Variants in TAFA5 observed in about 807,000 individuals in gnomAD.
TAFA5 encodes chemokine-like protein TAFA-5.
A neutral mutation model predicts 15.3 loss-of-function variants in TAFA5; 6 were observed. The observed-to-expected ratio is 0.39, with a 90% CI of 0.21 to 0.77. The LOEUF (loss-of-function observed/expected upper bound fraction) is 0.77, where lower values mean the gene tolerates loss of function less well. Ranked by LOEUF, TAFA5 falls within the 30% of genes least tolerant of loss-of-function variation. The probability of loss-of-function intolerance (pLI) is 0.41; values close to 1 mark genes in which losing one functional copy is unlikely to be tolerated. For synonymous variants in TAFA5, 103 were observed against 80.7 expected (o/e 1.28, Z -1.48); for missense variants, 161 against 193.1 (o/e 0.83, Z 0.98).
chr22:48,619,617 G>A (rs970453204), intron 1 of TAFA5, among the ~76,000 whole-genome samples: 1 of 152,254 alleles, frequency 6.6e-6, no homozygotes, highest in African/African-American at 2.4e-5. Context: ...GACTCCCAAA[G>A]TGCTGAGATT....
chr22:48,690,298 C>T (rs1928497796), intron 2 of TAFA5, among the ~76,000 whole-genome samples: 1 of 152,138 alleles, frequency 6.6e-6, no homozygotes. Flanking sequence ...CACAGAGAAC[C>T]ACCTTGAGTG....
chr22:48,548,960 GC>G (rs1922770978), intron 1 of TAFA5, among the ~76,000 whole-genome samples: 1 of 152,200 alleles, frequency 6.6e-6, no homozygotes, highest in Admixed American at 6.5e-5. Flanking sequence ...TCACACCCAT[GC>G]TGGAAGAGCC....
rs148494928 is a variant in TAFA5 at position 48,607,189 on chromosome 22, G to A, written c.113-39408G>A. Among the ~76,000 whole-genome samples, 1,189 of 151,848 alleles carry A rather than the reference G, an allele frequency of 7.8e-3. 24 individuals are homozygous for A. The highest frequency in any genetic ancestry group is 0.028 in the African/African-American group (1,142 of 41,298). ...AGTTCTATCCTGGGTTCTGATTAGGGCTGGCCCACCCATCCCAGGTACCTC... is the reference window on the plus strand; with the variant it reads ...AGTTCTATCCTGGGTTCTGATTAGGACTGGCCCACCCATCCCAGGTACCTC... On this transcript the variant is annotated intron_variant, in intron 1 of 3. Transcript: ENST00000402357.
At chr22:48,634,109 T>C (rs1007843161) in intron 1 of TAFA5, among the ~76,000 whole-genome samples, 1 of 104,294 alleles carries the variant, frequency 9.6e-6, no homozygotes, top group Non-Finnish European at 1.9e-5. Context: ...TTCCTTGACG[T>C]TCACTCACTC....
intron 1 of TAFA5, among the ~76,000 whole-genome samples, chr22:48,626,076 T>G (rs1235988381): frequency 6.6e-6 from 1 of 152,172 alleles, no homozygotes; most frequent in African/African-American, 2.4e-5. Context: ...TGACCACCTT[T>G]TGTTTATCCA....
At chr22:48,549,215 A>G (rs1017617908) in intron 1 of TAFA5, among the ~76,000 whole-genome samples, 1 of 152,262 alleles carries the variant, frequency 6.6e-6, no homozygotes, top group African/African-American at 2.4e-5. Context: ...TCACCAAAAA[A>G]TTAATTGCCA....
chr22:48,549,378 G>A (rs1186557350), intron 1 of TAFA5, among the ~76,000 whole-genome samples: 6 of 152,250 alleles, frequency 3.9e-5, no homozygotes, highest in Non-Finnish European at 7.3e-5. Flanking sequence ...CCAGGCAGCT[G>A]GTGGTCAGCA....
At chr22:48,671,359 G>T (rs1927799166) in intron 2 of TAFA5, among the ~76,000 whole-genome samples, 2 of 152,204 alleles carry the variant, frequency 1.3e-5, no homozygotes, top group Admixed American at 1.3e-4. Flanking sequence ...TCTGCTCAGG[G>T]CATTTCTGAC....
chr22:48,648,359 GC>G (rs1926938633), intron 2 of TAFA5, among the ~76,000 whole-genome samples: 1 of 152,100 alleles, frequency 6.6e-6, no homozygotes, highest in African/African-American at 2.4e-5. Context: ...GGATCCCACC[GC>G]CTCTGCCCAG....
At chr22:48,497,494 G>A (rs964613438) in intron 1 of TAFA5, among the ~76,000 whole-genome samples, 6 of 146,908 alleles carry the variant, frequency 4.1e-5, no homozygotes, top group Admixed American at 1.4e-4. Flanking sequence ...TTTAGGCCTG[G>A]GGGCGGGGCT....
chr22:48,666,979 A>G (rs759198627), intron 2 of TAFA5, among the ~76,000 whole-genome samples: 2 of 152,130 alleles, frequency 1.3e-5, no homozygotes, highest in Non-Finnish European at 2.9e-5. Context: ...CCAGCTGCAT[A>G]GGTGATTTCC....
At chr22:48,729,818 G>T (rs6010497) in intron 3 of TAFA5, among the ~76,000 whole-genome samples, 46,372 of 149,496 alleles carry the variant, frequency 0.31, 8,214 homozygotes, top group Non-Finnish European at 0.41. Flanking sequence ...ATTTTAGAAA[G>T]TGTCCCAAAA....
chr22:48,694,768 C>T (rs1928651124), intron 2 of TAFA5, among the ~76,000 whole-genome samples: 1 of 150,218 alleles, frequency 6.7e-6, no homozygotes, highest in Non-Finnish European at 1.5e-5. Context: ...GCCCACCGCT[C>T]AGACCTCCTC....
At position 48,560,997 on chromosome 22, in the gene TAFA5, C is replaced by G. The variant is rs765047191; in HGVS notation, c.112+71293C>G. Among the ~76,000 whole-genome samples the G allele has an allele frequency of 2.0e-5, 3 of 152,140 alleles. No homozygotes were observed. The highest frequency in any genetic ancestry group is 7.2e-5 in the African/African-American group (3 of 41,424). ...CAGTCCTCTACACCTGGGGATGGAGCGGTTCCCTGTGTGGGTGACACTGGG... is the reference window on the plus strand; with the variant it reads ...CAGTCCTCTACACCTGGGGATGGAGGGGTTCCCTGTGTGGGTGACACTGGG... On this transcript the variant is annotated intron_variant, in intron 1 of 3. Transcript: ENST00000402357. The surrounding 1 kb of genome is among the most constrained non-coding windows in gnomAD (Gnocchi z 4.2).
rs372386838 is a variant in TAFA5, at chr22:48,529,232, G to A, written c.112+39528G>A. On this transcript the variant is annotated intron_variant, in intron 1 of 3. Transcript: ENST00000402357. ...GAGGATGTCCAGGCAGGAGATGGGG[G>A]TGTTCAGGCAGGAGATGGGGGTGTC... Among the ~76,000 whole-genome samples, 49 of 100,792 alleles carry A rather than the reference G, an allele frequency of 4.9e-4. 10 individuals carry two copies. Among genetic ancestry groups the A allele is most frequent in the Non-Finnish European group, 6.6e-4 (29 of 43,752 alleles). 66.1% of individuals were successfully genotyped at this position (100,792 alleles called of 152,430 possible).
intron 1 of TAFA5, among the ~76,000 whole-genome samples, chr22:48,529,726 G>A (rs1921910450): frequency 6.6e-6 from 1 of 151,974 alleles, no homozygotes; most frequent in Non-Finnish European, 1.5e-5. Flanking sequence ...AGGCTGAACT[G>A]TGGAAGAATC....
rs770435779 is a variant in TAFA5 at position 48,707,757 on chromosome 22, G to A, written c.303G>A (p.Pro101=). The A allele has an allele frequency of 1.5e-5, 24 of 1,613,928 alleles. No individual in the cohort carries two copies. The highest frequency in any genetic ancestry group is 1.3e-4 in the East Asian group (6 of 44,874). Residue 101 remains proline (P), a synonymous_variant, in exon 3 of 4, where the codon CCG becomes CCA. Coordinates refer to ENST00000402357, the MANE Select transcript of TAFA5 (RefSeq NM_001082967.3). ...IKTKQWCDML[P]CLEGEGCDLL... Reference sequence around the variant, plus strand: ...CCAAGCAGTGGTGTGACATGCTTCCGTGTCTGGAGGGGGAAGGCTGCGACT... The same window carrying A: ...CCAAGCAGTGGTGTGACATGCTTCCATGTCTGGAGGGGGAAGGCTGCGACT...
At chr22:48,600,131 G>A (rs1924910531) in intron 1 of TAFA5, among the ~76,000 whole-genome samples, 1 of 152,154 alleles carries the variant, frequency 6.6e-6, no homozygotes, top group Non-Finnish European at 1.5e-5. Context: ...CGAGGCCCTG[G>A]GACATCTTTT....
intron 1 of TAFA5, among the ~76,000 whole-genome samples, chr22:48,595,645 G>A (rs2147161081): frequency 6.6e-6 from 1 of 152,380 alleles, no homozygotes; most frequent in East Asian, 1.9e-4. Context: ...ACGCAGTGCA[G>A]CGGGCAACCT....
Sources: gnomAD v4.1 joint callset for allele counts (sites outside exome capture counted in the v4.1 genomes callset) on GRCh38, gnomAD v4.1.1 for gene constraint, Gnocchi (gnomAD v3.1) non-coding constraint, MANE v1.5 for transcripts, NCBI Gene and HGNC (gene_info 2026-07-23, HGNC 2026-07-21) for gene names.